Variants in DLG2 observed in about 807,000 individuals in gnomAD.
DLG2 encodes the protein discs large MAGUK scaffold protein 2.
A neutral mutation model predicts 132.5 loss-of-function variants in DLG2; 45 were observed. The observed-to-expected ratio is 0.34, with a 90% confidence interval of 0.27 to 0.44. DLG2 has a LOEUF of 0.44. Among genes scored for constraint, DLG2 ranks in the 20% least tolerant of loss-of-function variants. The pLI, the probability that DLG2 is intolerant of heterozygous loss-of-function variation, is 1.00. For synonymous variants in DLG2, 424 were observed against 419.6 expected (o/e 1.01, Z -0.13); for missense variants, 1,045 against 1,196.9 (o/e 0.87, Z 1.87).
intron 6 of DLG2, among the ~76,000 whole-genome samples, chr11:84,759,484 C>T (rs978976477): frequency 6.6e-6 from 1 of 152,142 alleles, no homozygotes; most frequent in Non-Finnish European, 1.5e-5. Flanking sequence ...CTGTTTTCTG[C>T]ACAGCTATAC....
In DLG2 at chr11:84,971,376, C is replaced by G. The variant is rs1454485810; in HGVS notation, c.357+140285G>C. Among the ~76,000 whole-genome samples, 37 of 152,194 alleles carry G rather than the reference C, an allele frequency of 2.4e-4. 1 individual carries two copies. Among genetic ancestry groups the G allele is most frequent in the Non-Finnish European group, 5.9e-5 (4 of 68,008 alleles). The stretch of plus-strand genomic sequence containing the variant: ...TAAGATGATGTGTTAAAAATCTGCT[C>G]TAAAATTTATGTAACATTTATGAAT... On this transcript the variant is annotated intron_variant, in intron 6 of 27. Transcript: ENST00000376104.
In DLG2 at chr11:84,225,974, C is replaced by G. The variant is rs571844546; in HGVS notation, c.573+25264G>C. 1.1e-4 allele frequency among the ~76,000 whole-genome samples: 17 copies of G among 152,160 alleles called. No homozygotes were observed. In the East Asian group the frequency reaches 2.9e-3, roughly 26 times the overall value. On this transcript the variant is annotated intron_variant, in intron 8 of 27. Coordinates refer to ENST00000376104, the MANE Select transcript of DLG2 (RefSeq NM_001142699.3). ...TACAGGCACAGGCCACCACGCCTGG[C>G]TAATTTTTGTATTTTTAGTAGAGAC...
chr11:83,515,865 T>G (rs1240085321), intron 21 of DLG2, among the ~76,000 whole-genome samples: 1 of 152,242 alleles, frequency 6.6e-6, no homozygotes, highest in Non-Finnish European at 1.5e-5. Context: ...TGAGTTCTAG[T>G]TTAATTGCAC....
chr11:84,684,656 T>A (rs2099736466), intron 6 of DLG2, among the ~76,000 whole-genome samples: 1 of 152,222 alleles, frequency 6.6e-6, no homozygotes, highest in African/African-American at 2.4e-5. Context: ...TTGAAGTACC[T>A]TCTCTGAGCC....
chr11:83,842,551 G>A (rs1325523838), intron 16 of DLG2, among the ~76,000 whole-genome samples: 16 of 141,076 alleles, frequency 1.1e-4, no homozygotes, highest in Admixed American at 8.5e-4. Context: ...AAAAAAGGCC[G>A]GGCACGGTGG....
At chr11:84,736,557 T>TAATTTTACTC (rs1246022482) in intron 6 of DLG2, among the ~76,000 whole-genome samples, 2 of 151,946 alleles carry the variant, frequency 1.3e-5, no homozygotes, top group African/African-American at 2.4e-5. Context: ...TAATTTTACT[T>TAATTTTACTC]AATTTTACTC....
At chr11:84,917,748 T>C (rs1046446598) in intron 6 of DLG2, among the ~76,000 whole-genome samples, 2 of 152,204 alleles carry the variant, frequency 1.3e-5, no homozygotes, top group Admixed American at 1.3e-4. Flanking sequence ...TTAATGGGCT[T>C]TGTTAGAAAT....
intron 11 of DLG2, among the ~76,000 whole-genome samples, chr11:84,014,830 TAC>T (rs2095084816): frequency 1.4e-5 from 2 of 143,978 alleles, no homozygotes; most frequent in Admixed American, 1.4e-4. Flanking sequence ...CTAATCCTGA[TAC>T]AGACTTTTTT....
chr11:84,767,611 G>A, intron 6 of DLG2, among the ~76,000 whole-genome samples: 1 of 151,826 alleles, frequency 6.6e-6, no homozygotes, highest in East Asian at 1.9e-4. Context: ...CCTGGAACAT[G>A]TTTCCTGTCA....
rs138302104 is a variant in DLG2, at chr11:84,415,305, A to G, written c.519+119265T>C. On this transcript the variant is annotated intron_variant, in intron 7 of 27. Coordinates refer to ENST00000376104, the MANE Select transcript of DLG2 (RefSeq NM_001142699.3). ...GAATCACAGGGTGTTAAGAATCACA[A>G]TGCAAAATCCACAGACACCATTTAT... 7.6e-3 allele frequency among the ~76,000 whole-genome samples: 1,161 copies of G among 152,294 alleles called. 9 individuals carry two copies. Among genetic ancestry groups the G allele is most frequent in the African/African-American group, 0.027 (1,107 of 41,574 alleles).
rs1011607092 is a variant in DLG2 at position 83,653,062 on chromosome 11, A to G, written c.1826-19737T>C. On this transcript the variant is annotated intron_variant, in intron 18 of 27. Transcript: ENST00000376104. ...TGTTGGTGGCAGAAGTGGAACCCCA[A>G]TCTAATAACTTCCCAATGCTGTACG... Among the ~76,000 whole-genome samples the G allele has an allele frequency of 2.6e-5, 4 of 152,224 alleles. No individual in the cohort carries two copies. The South Asian group carries it at 8.3e-4, about 32-fold the overall frequency.
At chr11:83,537,404 C>T (rs967628014) in intron 20 of DLG2, among the ~76,000 whole-genome samples, 3 of 152,138 alleles carry the variant, frequency 2.0e-5, no homozygotes, top group Non-Finnish European at 4.4e-5. Flanking sequence ...TTAGTGGCCA[C>T]AGGCTTGCTG....
chr11:85,449,034 GT>G (rs1308335297), intron 3 of DLG2, among the ~76,000 whole-genome samples: 1 of 151,784 alleles, frequency 6.6e-6, no homozygotes. Context: ...TCTGTGTTTT[GT>G]TTGTTCAATC....
At chr11:84,977,614 C>G (rs983913980) in intron 6 of DLG2, among the ~76,000 whole-genome samples, 7 of 152,120 alleles carry the variant, frequency 4.6e-5, no homozygotes, top group Non-Finnish European at 1.0e-4. Context: ...AATAGAAAAA[C>G]CAAACGCTAC....
At chr11:84,710,019 C>T (rs527930907) in intron 6 of DLG2, among the ~76,000 whole-genome samples, 1 of 151,958 alleles carries the variant, frequency 6.6e-6, no homozygotes, top group African/African-American at 2.4e-5. Context: ...TACTTTTAAA[C>T]TACTGTATGG....
At chr11:84,771,752 A>G (rs996035783) in intron 6 of DLG2, among the ~76,000 whole-genome samples, 3 of 152,210 alleles carry the variant, frequency 2.0e-5, no homozygotes, top group Admixed American at 6.5e-5. Flanking sequence ...GAAAATAACC[A>G]GCTAACAACT....
chr11:84,645,202 G>C (rs943795473), intron 6 of DLG2, among the ~76,000 whole-genome samples: 1 of 152,192 alleles, frequency 6.6e-6, no homozygotes, highest in Admixed American at 6.5e-5. Context: ...TACTAGCTAT[G>C]TGCTCTTGGG....
intron 3 of DLG2, among the ~76,000 whole-genome samples, chr11:85,374,250 T>C (rs2085220415): frequency 6.6e-6 from 1 of 152,192 alleles, no homozygotes; most frequent in South Asian, 2.1e-4. Context: ...AACTTTCACC[T>C]GTGGTGAACT....
intron 11 of DLG2, among the ~76,000 whole-genome samples, chr11:84,045,631 G>T (rs1305882082): frequency 6.6e-6 from 1 of 151,552 alleles, no homozygotes; most frequent in Admixed American, 6.6e-5. Flanking sequence ...ACTCACTATG[G>T]TCTGTGCTTA....
Sources: gnomAD v4.1 joint callset for allele counts (sites outside exome capture counted in the v4.1 genomes callset) on GRCh38, gnomAD v4.1.1 for gene constraint, MANE v1.5 for transcripts, NCBI Gene and HGNC (gene_info 2026-07-23, HGNC 2026-07-21) for gene names.